SFPQ: variants seen among roughly 807,000 people sequenced by gnomAD.
SFPQ encodes the protein splicing factor, proline- and glutamine-rich.
Under a neutral mutation model 72.9 loss-of-function variants are expected in SFPQ, and 11 were observed. The observed-to-expected ratio is 0.15, with a 90% CI of 0.09 to 0.25. The LOEUF is 0.25. Ranked by LOEUF, SFPQ falls within the 10% of genes least tolerant of loss-of-function variation. The pLI, the probability that SFPQ is intolerant of heterozygous loss-of-function variation, is 1.00. For synonymous variants in SFPQ, 506 were observed against 367.3 expected, an observed-to-expected ratio of 1.38 and a Z score of -4.32; for missense variants, 847 against 993.3, an observed-to-expected ratio of 0.85 and a Z score of 1.98.
chr1:35,190,304 G>C (rs1225469527), intron 4 of SFPQ, among the ~76,000 whole-genome samples, 194 bp downstream of exon 4: 1 of 152,228 alleles, frequency 6.6e-6, no homozygotes, highest in Non-Finnish European at 1.5e-5. Context: ...GACTGCATGT[G>C]AATGTATCCA....
chr1:35,179,231 A>G, downstream of SFPQ: 1 of 1,061,546 alleles, frequency 9.4e-7, no homozygotes, highest in Non-Finnish European at 1.1e-6. Flanking sequence ...GCAGCTGACA[A>G]TGATTAACAA....
At chr1:35,186,475 C>T (rs1020478944) in intron 9 of SFPQ, among the ~76,000 whole-genome samples, 2 of 152,176 alleles carry the variant, frequency 1.3e-5, no homozygotes, top group East Asian at 1.9e-4. Context: ...ACAGGCCCAA[C>T]AGGTGGGAAA....
chr1:35,181,034 T>G, downstream of SFPQ: 2 of 1,065,020 alleles, frequency 1.9e-6, no homozygotes, highest in Non-Finnish European at 2.3e-6. Flanking sequence ...AAGTGTTAGG[T>G]GCTGCACTGT....
rs1640117217 is a variant in SFPQ at position 35,192,943 on chromosome 1, G to A, written c.107C>T (p.Pro36Leu). 1 of 1,587,354 alleles carries A rather than the reference G, an allele frequency of 6.3e-7. No homozygotes were observed. The highest frequency in any genetic ancestry group is 8.5e-7 in the Non-Finnish European group (1 of 1,174,870). ...GCGATTCTGATTGAGGCCCATGCCGGGCGGCGGAGAACGGAAGTCGTGGAG... is the reference window on the plus strand; with the variant it reads ...GCGATTCTGATTGAGGCCCATGCCGAGCGGCGGAGAACGGAAGTCGTGGAG... ...GGLHDFRSPP[P>L]GMGLNQNRGP... Residue 36 changes from proline to leucine, a missense_variant, in exon 1 of 10, where the codon CCC becomes CTC. Pro to Leu is a moderately conservative substitution (Grantham distance 98). Coordinates refer to ENST00000357214, the MANE Select transcript of SFPQ (RefSeq NM_005066.3).
chr1:35,180,400 G>A, downstream of SFPQ: 1 of 1,039,854 alleles, frequency 9.6e-7, no homozygotes, highest in East Asian at 5.8e-5. Context: ...AAGCTACTCT[G>A]AACATATGCA....
rs1178742341 is a variant in SFPQ, at chr1:35,183,844, G to A, written c.*612C>T. 1.9e-6 allele frequency: 2 copies of A among 1,055,454 alleles called. No individual in the cohort carries two copies. The highest frequency in any genetic ancestry group is 2.3e-6 in the Non-Finnish European group (2 of 873,020). The allele number at this position is 1,055,454 out of a possible 1,614,324, so 65.4% of individuals were successfully genotyped here. On this transcript the variant is annotated 3_prime_UTR_variant, in exon 10 of 10. Transcript: ENST00000357214. ...CACAATCTTAATACATATTCCTGAAGATTTACAGTTCAGCTTTGCTTACAT... is the reference window on the plus strand; with the variant it reads ...CACAATCTTAATACATATTCCTGAAAATTTACAGTTCAGCTTTGCTTACAT...
downstream of SFPQ, chr1:35,182,847 C>T: frequency 9.5e-7 from 1 of 1,047,762 alleles, no homozygotes; most frequent in East Asian, 5.6e-5. Flanking sequence ...TAACAGGCAA[C>T]AATAAACAAT....
At chr1:35,187,776 C>A (rs751621289) in intron 7 of SFPQ, among the ~76,000 whole-genome samples, 197 bp downstream of exon 7, 10 of 151,176 alleles carry the variant, frequency 6.6e-5, no homozygotes, top group Non-Finnish European at 1.0e-4. Flanking sequence ...AACAAAAAAA[C>A]CAAGAAACAA....
rs1639958917 is a variant in SFPQ at position 35,190,781 on chromosome 1, G to A, written c.1232C>T (p.Thr411Ile). 1 of 1,614,192 alleles carries A rather than the reference G, an allele frequency of 6.2e-7. No homozygotes were observed. Among genetic ancestry groups the A allele is most frequent in the Non-Finnish European group, 8.5e-7 (1 of 1,180,038 alleles). ...VVIVDDRGRS[T>I]GKGIVEFASK... ...AGCAAATTCAACAATGCCTTTCCCT[G>A]TAGATCTTCCACGATCATCCACTAT... Residue 411 changes from threonine to isoleucine, a missense_variant, in exon 3 of 10, where the codon ACA becomes ATA. Thr to Ile is a moderately conservative substitution (Grantham distance 89, BLOSUM62 -1). This residue lies in a region of SFPQ where 132 missense variants were observed against 255.4 expected (regional missense o/e 0.52). Coordinates refer to ENST00000357214, the MANE Select transcript of SFPQ (RefSeq NM_005066.3).
At chr1:35,188,880 G>T in intron 6 of SFPQ, 123 bp downstream of exon 6, 1 of 734,556 alleles carries the variant, frequency 1.4e-6, no homozygotes, top group Non-Finnish European at 2.3e-6. Context: ...AGAATCGCTT[G>T]AACCCAGGAA....
intron 4 of SFPQ, among the ~76,000 whole-genome samples, chr1:35,190,241 C>A (rs1639929919): frequency 1.3e-5 from 2 of 152,214 alleles, no homozygotes; most frequent in Non-Finnish European, 2.9e-5. Flanking sequence ...GCCTGGGCAA[C>A]AGAGACTCAG....
downstream of SFPQ, chr1:35,179,877 G>A (rs568040981): frequency 2.8e-5 from 29 of 1,054,102 alleles, no homozygotes; most frequent in Middle Eastern, 4.3e-4. Flanking sequence ...AATGGATTAC[G>A]ACACAGGAAA....
downstream of SFPQ, chr1:35,179,945 A>C: frequency 5.7e-6 from 6 of 1,055,060 alleles, no homozygotes; most frequent in Non-Finnish European, 5.7e-6. Context: ...TGAGCATTAT[A>C]CTTGATCTGC....
chr1:35,191,060 A>G (rs1195061561), intron 2 of SFPQ, 65 bp from the exon 3 acceptor site: 1 of 1,381,876 alleles, frequency 7.2e-7, no homozygotes, highest in Non-Finnish European at 1.0e-6. Flanking sequence ...TTAAATTGTC[A>G]TAGGCCTACT....
intron 4 of SFPQ, 63 bp downstream of exon 4, chr1:35,190,435 C>T (rs935850388): frequency 2.5e-6 from 3 of 1,195,218 alleles, no homozygotes; most frequent in Non-Finnish European, 3.6e-6. Flanking sequence ...TGGAAAATCA[C>T]TAAAATAAAT....
At chr1:35,179,950 A>G (rs1639398256), downstream of SFPQ, 2 of 1,055,162 alleles carry the variant, frequency 1.9e-6, no homozygotes, top group African/African-American at 3.3e-5. Context: ...ATTATACTTG[A>G]TCTGCATTAT....
At chr1:35,178,261 C>A (rs11413), downstream of SFPQ, 2 of 1,092,950 alleles carry the variant, frequency 1.8e-6, no homozygotes, top group East Asian at 1.0e-4. Context: ...ACTGTATTTT[C>A]TTTAAAATGT....
chr1:35,178,698 A>C (rs992732131), downstream of SFPQ: 36 of 1,054,950 alleles, frequency 3.4e-5, no homozygotes, highest in Non-Finnish European at 3.9e-5. Context: ...CACAGTGCAC[A>C]AAACAAAGAT....
rs182720436 is a variant in SFPQ, at chr1:35,191,890, G to T, written c.828+332C>A. Among the ~76,000 whole-genome samples, 15 of 152,332 alleles carry T rather than the reference G, an allele frequency of 9.8e-5. No individual in the cohort carries two copies. The East Asian group carries it at 2.7e-3, about 27-fold the overall frequency. ...CACGATCTGCGCCTGCGCTTTTATG[G>T]AACTTCCCGGTTCTCTCCAAACCTA... On this transcript the variant is annotated intron_variant, in intron 1 of 9. Transcript: ENST00000357214.
Sources: gnomAD v4.1 joint callset for allele counts (sites outside exome capture counted in the v4.1 genomes callset) on GRCh38, gnomAD v4.1.1 for gene constraint, gnomAD v4.1.1 regional missense constraint, MANE v1.5 for transcripts, NCBI Gene and HGNC (gene_info 2026-07-23, HGNC 2026-07-21) for gene names.